The following ZBTB47 variants were observed in gnomAD, a reference collection of about 807,000 sequenced individuals.
ZBTB47 encodes the protein zinc finger and BTB domain containing 47.
Under a neutral mutation model 56.6 loss-of-function variants are expected in ZBTB47, and 24 were observed. The observed-to-expected ratio is 0.42, with a 90% CI of 0.31 to 0.60. The LOEUF is 0.60. Ranked by LOEUF, ZBTB47 falls within the 20% of genes least tolerant of loss-of-function variation. The pLI is 0.14. For synonymous variants in ZBTB47, 414 were observed against 418.9 expected (o/e 0.99, Z 0.14); for missense variants, 829 against 1,032.6 (o/e 0.80, Z 2.70).
At position 42,654,354 on chromosome 3, in the gene ZBTB47, G is replaced by A. The variant is rs1710609411; in HGVS notation, c.-82+471G>A. 6.6e-6 allele frequency: 1 copy of A among 151,464 alleles called. No individual in the cohort carries two copies. Among genetic ancestry groups the A allele is most frequent in the East Asian group, 1.9e-4 (1 of 5,132 alleles). The allele number at this position is 151,464 out of a possible 1,614,324, so 9.4% of individuals were successfully genotyped here. On this transcript the variant is annotated intron_variant, in intron 1 of 5. Transcript: ENST00000232974. This position sits in a 1 kb window ranked among gnomAD's most constrained non-coding sequence, Gnocchi z 5.0. Reference sequence around the variant, plus strand: ...CAGCCTGCGGCAGGGCGGGCTGCACGGGGACCGCGCACACCACGCGTGTCC... The same window carrying A: ...CAGCCTGCGGCAGGGCGGGCTGCACAGGGACCGCGCACACCACGCGTGTCC...
rs9816776 is a variant in ZBTB47, at chr3:42,667,147, G to T, written c.*2549G>T. 5.3e-3 allele frequency among the ~76,000 whole-genome samples: 800 copies of T among 152,358 alleles called. 7 individuals carry two copies. The highest frequency in any genetic ancestry group is 0.019 in the African/African-American group (770 of 41,580). ...CAGATGTCAGAATGAGGCGACTAGG[G>T]CACCATACTCACTTTCCAGGGCTGG... On this transcript the variant is annotated 3_prime_UTR_variant, in exon 6 of 6. Transcript: ENST00000232974.
chr3:42,658,071 G>T (rs1710658806), intron 1 of ZBTB47, among the ~76,000 whole-genome samples: 1 of 152,234 alleles, frequency 6.6e-6, no homozygotes, highest in African/African-American at 2.4e-5. Context: ...CAGCCTCAGA[G>T]GGTCACGAGT....
chr3:42,659,476 A>G lies in ZBTB47; in HGVS notation c.1121A>G (p.His374Arg). ...SRSSRADPPPHSHMATRSREN... is the reference protein window; with the variant it reads ...SRSSRADPPPRSHMATRSREN... The stretch of plus-strand genomic sequence containing the variant: ...AGCAGCCGGGCAGACCCCCCTCCCC[A>G]CAGTCACATGGCCACACGGTCCCGG... Residue 374 changes from histidine (H) to arginine (R), a missense_variant, in exon 2 of 6, where the codon CAC (histidine) becomes CGC (arginine). Physicochemically the swap from His to Arg is conservative, Grantham distance 29. This residue lies in a region of ZBTB47 where 359 missense variants were observed against 359.8 expected (regional missense o/e 1.00). Coordinates refer to ENST00000232974, the MANE Select transcript of ZBTB47 (RefSeq NM_145166.4). The G allele has an allele frequency of 2.0e-6, 3 of 1,522,736 alleles. No homozygotes were observed. Among genetic ancestry groups the G allele is most frequent in the South Asian group, 1.3e-5 (1 of 76,106 alleles). The allele number at this position is 1,522,736 out of a possible 1,614,324, so 94.3% of individuals were successfully genotyped here.
rs1710607223 is a variant in ZBTB47 at position 42,654,234 on chromosome 3, AG to A, written c.-82+353del. On this transcript the variant is annotated intron_variant, in intron 1 of 5. Coordinates refer to ENST00000232974, the MANE Select transcript of ZBTB47 (RefSeq NM_145166.4). This position sits in a 1 kb window ranked among gnomAD's most constrained non-coding sequence, Gnocchi z 5.0. The stretch of plus-strand genomic sequence containing the variant: ...CCGGACGAACTTCCCGGCAGAAAGG[AG>A]GCTCAGCACGGGAGGGTGGGGCCGG... 1 of 139,036 alleles carries A rather than the reference AG, an allele frequency of 7.2e-6. No homozygotes were observed. The highest frequency in any genetic ancestry group is 2.4e-4 in the South Asian group (1 of 4,176). The allele number at this position is 139,036 out of a possible 1,614,324, so 8.6% of individuals were successfully genotyped here. A position where few individuals can be genotyped will look rare whatever the true frequency, so the allele number is the denominator to read the frequency against.
At position 42,664,935 on chromosome 3, in the gene ZBTB47, A is replaced by C; in HGVS notation, c.*337A>C. ...GTGCTGGGGGTCTGCAGCAGAAAGA[A>C]AGGGGCCTGGGCAGCAGGTGTGGCC... On this transcript the variant is annotated 3_prime_UTR_variant, in exon 6 of 6. Coordinates refer to ENST00000232974, the MANE Select transcript of ZBTB47 (RefSeq NM_145166.4). 5.2e-6 allele frequency: 1 copy of C among 192,400 alleles called. No individual in the cohort carries two copies. Among genetic ancestry groups the C allele is most frequent in the Non-Finnish European group, 1.0e-5 (1 of 95,436 alleles). The allele number at this position is 192,400 out of a possible 1,614,324, so 11.9% of individuals were successfully genotyped here.
chr3:42,655,153 C>G (rs966864884), intron 1 of ZBTB47, among the ~76,000 whole-genome samples: 1 of 152,172 alleles, frequency 6.6e-6, no homozygotes, highest in Non-Finnish European at 1.5e-5. Flanking sequence ...GCAGATCCCC[C>G]GCCCTCTCTG....
At chr3:42,664,184 CTG>C (rs1710754992) in intron 5 of ZBTB47, 51 bp from the exon 6 acceptor site, 1 of 1,598,308 alleles carries the variant, frequency 6.3e-7, no homozygotes, top group African/African-American at 1.3e-5. Context: ...TGGCCCCAGA[CTG>C]GGGTGTGGCG....
rs1398478913 is a variant in ZBTB47, at chr3:42,666,100, G to A, written c.*1502G>A. Among the ~76,000 whole-genome samples, 2 of 152,244 alleles carry A rather than the reference G, an allele frequency of 1.3e-5. No individual in the cohort carries two copies. Among genetic ancestry groups the A allele is most frequent in the Non-Finnish European group, 2.9e-5 (2 of 68,044 alleles). On this transcript the variant is annotated 3_prime_UTR_variant, in exon 6 of 6. Coordinates refer to ENST00000232974, the MANE Select transcript of ZBTB47 (RefSeq NM_145166.4). The stretch of plus-strand genomic sequence containing the variant: ...ACCTTATGAGGCCCATGGCACTGGG[G>A]CAGGGAGCTGGGGACATTTTAATCA...
Position 42,656,070 on chromosome 3 carries a change from G to T in ZBTB47, c.-82+2187G>T, listed in dbSNP as rs1345386735. 6.6e-6 allele frequency among the ~76,000 whole-genome samples: 1 copy of T among 152,204 alleles called. No homozygotes were observed. The highest frequency in any genetic ancestry group is 6.5e-5 in the Admixed American group (1 of 15,284). On this transcript the variant is annotated intron_variant, in intron 1 of 5. Coordinates refer to ENST00000232974, the MANE Select transcript of ZBTB47 (RefSeq NM_145166.4). This position sits in a 1 kb window ranked among gnomAD's most constrained non-coding sequence, Gnocchi z 5.8. Reference sequence around the variant, plus strand: ...GCCTGGGGTGGACTTCCCCCAACAGGCCTGGCTTCAGCAAACCCTTATCCA... The same window carrying T: ...GCCTGGGGTGGACTTCCCCCAACAGTCCTGGCTTCAGCAAACCCTTATCCA...
intron 1 of ZBTB47, among the ~76,000 whole-genome samples, chr3:42,655,296 C>T (rs1021725864): frequency 6.6e-6 from 1 of 152,162 alleles, no homozygotes; most frequent in Non-Finnish European, 1.5e-5. Flanking sequence ...CCCACTGCTG[C>T]CCAGCATAGA....
rs1710614286 is a variant in ZBTB47, at chr3:42,654,617, A to G, written c.-82+734A>G. On this transcript the variant is annotated intron_variant, in intron 1 of 5. Coordinates refer to ENST00000232974, the MANE Select transcript of ZBTB47 (RefSeq NM_145166.4). The surrounding 1 kb of genome is among the most constrained non-coding windows in gnomAD (Gnocchi z 5.0). Reference sequence around the variant, plus strand: ...GGGGCGGCCCCCAGCGCGGCGCTTCATGGAGCGGCCCTGGCCTGGCCGCCG... The same window carrying G: ...GGGGCGGCCCCCAGCGCGGCGCTTCGTGGAGCGGCCCTGGCCTGGCCGCCG... 1.0e-6 allele frequency: 1 copy of G among 965,028 alleles called. No homozygotes were observed. The highest frequency in any genetic ancestry group is 4.8e-5 in the South Asian group (1 of 20,918). 59.8% of individuals were successfully genotyped at this position (965,028 alleles called of 1,614,324 possible).
At chr3:42,653,326 A>G (rs527787777), upstream of ZBTB47, among the ~76,000 whole-genome samples, 2 of 152,312 alleles carry the variant, frequency 1.3e-5, no homozygotes, top group African/African-American at 2.4e-5. Flanking sequence ...GTAGGACAAC[A>G]TACCCAGGAG....
In ZBTB47 at chr3:42,654,820, G is replaced by A. The variant is rs1180529684; in HGVS notation, c.-82+937G>A. The A allele has an allele frequency of 6.3e-5, 33 of 523,870 alleles. No individual in the cohort carries two copies. The highest frequency in any genetic ancestry group is 8.1e-5 in the Non-Finnish European group (33 of 408,000). 32.5% of individuals were successfully genotyped at this position (523,870 alleles called of 1,614,324 possible). A position where few individuals can be genotyped will look rare whatever the true frequency, so the allele number is the denominator to read the frequency against. The stretch of plus-strand genomic sequence containing the variant: ...ATCTTCCCCCCTCCCCCGGTCTCCC[G>A]GCTCCATCTGCTGGGTCCCGCGGGC... On this transcript the variant is annotated intron_variant, in intron 1 of 5. Transcript: ENST00000232974. This position sits in a 1 kb window ranked among gnomAD's most constrained non-coding sequence, Gnocchi z 5.0.
rs1710645432 is a variant in ZBTB47 at position 42,656,770 on chromosome 3, G to T, written c.-81-1505G>T. On this transcript the variant is annotated intron_variant, in intron 1 of 5. Transcript: ENST00000232974. This position sits in a 1 kb window ranked among gnomAD's most constrained non-coding sequence, Gnocchi z 5.8. ...TTCTCATTCAGGTGACTGAGAAGTG[G>T]AGCTCAACCACCACCACCCCTGCCC... Among the ~76,000 whole-genome samples, 1 of 152,046 alleles carries T rather than the reference G, an allele frequency of 6.6e-6. No individual in the cohort carries two copies. Among genetic ancestry groups the T allele is most frequent in the Admixed American group, 6.5e-5 (1 of 15,276 alleles).
chr3:42,663,087 A>T lies in ZBTB47; in HGVS notation c.1697A>T (p.His566Leu). The change falls in exon 4 of 6, where the codon CAC becomes CTC. Residue 566 changes from histidine (H) to leucine (L), a missense_variant. Physicochemically the swap from His to Leu is moderately conservative, Grantham distance 99. Transcript: ENST00000232974. The surrounding 1 kb of genome is among the most constrained non-coding windows in gnomAD (Gnocchi z 5.1). Reference sequence around the variant, plus strand: ...AAGCGCAGCATGTCCCTCAAGGTGCACTCACTGCAGCACTCAGGGGAGAAG... The same window carrying T: ...AAGCGCAGCATGTCCCTCAAGGTGCTCTCACTGCAGCACTCAGGGGAGAAG... Reference protein sequence around the residue: ...SFKRSMSLKVHSLQHSGEKPF... With the variant: ...SFKRSMSLKVLSLQHSGEKPF... 1 of 1,613,838 alleles carries T rather than the reference A, an allele frequency of 6.2e-7. No homozygotes were observed. Among genetic ancestry groups the T allele is most frequent in the Non-Finnish European group, 8.5e-7 (1 of 1,179,784 alleles).
chr3:42,659,440 G>A lies in ZBTB47; in HGVS notation c.1085G>A (p.Arg362Gln), dbSNP rs773316642. 3.5e-5 allele frequency: 52 copies of A among 1,480,408 alleles called. No individual in the cohort carries two copies. The highest frequency in any genetic ancestry group is 4.2e-5 in the South Asian group (3 of 72,134). 91.7% of individuals were successfully genotyped at this position (1,480,408 alleles called of 1,614,324 possible). A position where few individuals can be genotyped will look rare whatever the true frequency, so the allele number is the denominator to read the frequency against. ...EGEAGGKQGPRGSRSSRADPP... is the reference protein window; with the variant it reads ...EGEAGGKQGPQGSRSSRADPP... ...GAGGCTGGGGGCAAGCAGGGGCCAC[G>A]GGGAAGCCGAAGCAGCCGGGCAGAC... The change falls in exon 2 of 6, where the codon CGG becomes CAG. Residue 362 changes from arginine to glutamine, a missense_variant. Coordinates refer to ENST00000232974, the MANE Select transcript of ZBTB47 (RefSeq NM_145166.4).
In ZBTB47 at chr3:42,658,839, C is replaced by G; in HGVS notation, c.484C>G (p.Pro162Ala). ...GATCTATGCCCGCGAGGGCCCTGAC[C>G]CTTACTCGGTGCGTGTTGAGGACGG... ...PKIYAREGPD[P>A]YSVRVEDGAG... Residue 162 changes from proline to alanine, a missense_variant, in exon 2 of 6, where the codon CCT (proline) becomes GCT (alanine). Physicochemically the swap from Pro to Ala is conservative, Grantham distance 27. Coordinates refer to ENST00000232974, the MANE Select transcript of ZBTB47 (RefSeq NM_145166.4). 1 of 1,533,082 alleles carries G rather than the reference C, an allele frequency of 6.5e-7. No individual in the cohort carries two copies. Among genetic ancestry groups the G allele is most frequent in the African/African-American group, 1.4e-5 (1 of 73,122 alleles). The allele number at this position is 1,533,082 out of a possible 1,614,324, so 95.0% of individuals were successfully genotyped here.
At position 42,658,685 on chromosome 3, in the gene ZBTB47, C is replaced by T. The variant is rs550086987; in HGVS notation, c.330C>T (p.Asp110=). The T allele has an allele frequency of 7.8e-4, 1,196 of 1,536,262 alleles. 1 individual carries two copies. The highest frequency in any genetic ancestry group is 1.0e-3 in the Non-Finnish European group (1,142 of 1,146,856). Residue 110 remains aspartate, a synonymous_variant, in exon 2 of 6, where the codon GAC becomes GAT. Coordinates refer to ENST00000232974, the MANE Select transcript of ZBTB47 (RefSeq NM_145166.4). Reference sequence around the variant, plus strand: ...CTGCGTCCTGCCAAGAGCTGCTGGACGCCCGCTCTCTAGGCCCACCAGGTC... The same window carrying T: ...CTGCGTCCTGCCAAGAGCTGCTGGATGCCCGCTCTCTAGGCCCACCAGGTC... The part of the protein sequence containing the change: ...DIAASCQELL[D]ARSLGPPGPG...
At chr3:42,653,219 A>G (rs1710588489), upstream of ZBTB47, among the ~76,000 whole-genome samples, 1 of 152,180 alleles carries the variant, frequency 6.6e-6, no homozygotes, top group Non-Finnish European at 1.5e-5. Context: ...GCTGTTTCAC[A>G]GCACCTGCCT....
Sources: gnomAD v4.1 joint callset for allele counts (sites outside exome capture counted in the v4.1 genomes callset) on GRCh38, gnomAD v4.1.1 for gene constraint, gnomAD v4.1.1 regional missense constraint, Gnocchi (gnomAD v3.1) non-coding constraint, MANE v1.5 for transcripts, NCBI Gene and HGNC (gene_info 2026-07-23, HGNC 2026-07-21) for gene names.